WDFY2: variants seen among roughly 807,000 people sequenced by gnomAD.
WDFY2 encodes the protein WD repeat and FYVE domain containing 2, also known as WD repeat and FYVE domain-containing protein 2.
A neutral mutation model predicts 56.4 loss-of-function variants in WDFY2; 36 were observed. The observed-to-expected ratio is 0.64, with a 90% confidence interval of 0.49 to 0.84. The LOEUF (loss-of-function observed/expected upper bound fraction) is 0.84. Among genes scored for constraint, WDFY2 ranks in the 40% least tolerant of loss-of-function variants. The probability of loss-of-function intolerance (pLI) is 0.00; values close to 1 mark genes in which losing one functional copy is unlikely to be tolerated. For synonymous variants in WDFY2, 176 were observed against 183.7 expected (o/e 0.96, Z 0.34); for missense variants, 444 against 512.2 (o/e 0.87, Z 1.29).
At chr13:51,758,944 GA>G (rs1378042349) in intron 11 of WDFY2, among the ~76,000 whole-genome samples, 1 of 152,148 alleles carries the variant, frequency 6.6e-6, no homozygotes, top group African/African-American at 2.4e-5. Context: ...AGCCCTTTGG[GA>G]GGTGAGACGG....
rs1385060267 is a variant in WDFY2 at position 51,761,756 on chromosome 13, C to T, written c.*1987C>T. The T allele has an allele frequency of 6.6e-6, 1 of 152,210 alleles. No individual in the cohort carries two copies. Among genetic ancestry groups the T allele is most frequent in the Non-Finnish European group, 1.5e-5 (1 of 68,054 alleles). 9.4% of individuals were successfully genotyped at this position (152,210 alleles called of 1,614,324 possible). Reference sequence around the variant, plus strand: ...CTTGCTAGAGGTGATTCTGCTGCCCCAGCATTGGGAAGCAGGACCAGTGCA... The same window carrying T: ...CTTGCTAGAGGTGATTCTGCTGCCCTAGCATTGGGAAGCAGGACCAGTGCA... On this transcript the variant is annotated 3_prime_UTR_variant, in exon 12 of 12. Transcript: ENST00000298125.
intron 3 of WDFY2, among the ~76,000 whole-genome samples, chr13:51,686,800 ACT>A (rs1294275070): frequency 1.3e-5 from 2 of 152,148 alleles, no homozygotes; most frequent in African/African-American, 4.8e-5. Context: ...AAAAGTATGT[ACT>A]GTTCTATTTT....
intron 3 of WDFY2, among the ~76,000 whole-genome samples, chr13:51,677,207 G>A (rs371596801): frequency 1.3e-5 from 2 of 152,168 alleles, no homozygotes; most frequent in African/African-American, 2.4e-5. Context: ...GTACAGGGTT[G>A]AGACATCAAA....
intron 2 of WDFY2, among the ~76,000 whole-genome samples, chr13:51,662,223 G>A (rs765071691): frequency 3.3e-5 from 5 of 152,022 alleles, no homozygotes; most frequent in Non-Finnish European, 7.4e-5. Context: ...CACCTGCCTC[G>A]GCCTCCCAAA....
At chr13:51,701,949 G>C (rs1951993785) in intron 3 of WDFY2, among the ~76,000 whole-genome samples, 1 of 152,172 alleles carries the variant, frequency 6.6e-6, no homozygotes, top group Non-Finnish European at 1.5e-5. Flanking sequence ...TTGTTGCTTA[G>C]GCACCTCCCA....
intron 1 of WDFY2, among the ~76,000 whole-genome samples, chr13:51,648,664 C>T (rs1955308211): frequency 6.6e-6 from 1 of 152,180 alleles, no homozygotes; most frequent in Admixed American, 6.5e-5. Context: ...GTACAGCAGA[C>T]TACCATGGCA....
intron 5 of WDFY2, among the ~76,000 whole-genome samples, chr13:51,720,942 T>TTCTCTCTCTC (rs71749521): frequency 6.8e-6 from 1 of 147,846 alleles, no homozygotes; most frequent in African/African-American, 2.5e-5. Flanking sequence ...TCATTCTGTC[T>TTCTCTCTCTC]TCTCTCTCTC....
At chr13:51,703,310 G>C (rs928754606) in intron 3 of WDFY2, among the ~76,000 whole-genome samples, 5 of 152,110 alleles carry the variant, frequency 3.3e-5, no homozygotes, top group African/African-American at 1.2e-4. Flanking sequence ...TTTTGAATTA[G>C]GTTTATCTTC....
intron 5 of WDFY2, 125 bp downstream of exon 5, chr13:51,719,473 A>G: frequency 9.0e-7 from 1 of 1,110,010 alleles, no homozygotes; most frequent in Non-Finnish European, 1.3e-6. Flanking sequence ...GTGGATTACA[A>G]TGCTCATAGA....
At chr13:51,603,477 A>G (rs1216263169) in intron 1 of WDFY2, among the ~76,000 whole-genome samples, 1 of 152,176 alleles carries the variant, frequency 6.6e-6, no homozygotes, top group Non-Finnish European at 1.5e-5. Flanking sequence ...GGGGATACTC[A>G]TGACTTCTCA....
intron 2 of WDFY2, among the ~76,000 whole-genome samples, chr13:51,671,768 T>G (rs1185348394): frequency 2.0e-5 from 3 of 150,288 alleles, no homozygotes; most frequent in Non-Finnish European, 4.4e-5. Flanking sequence ...TTTGATTTGT[T>G]GCATTTGCTT....
intron 3 of WDFY2, among the ~76,000 whole-genome samples, chr13:51,699,288 C>T (rs1229783067): frequency 6.6e-6 from 1 of 152,198 alleles, no homozygotes; most frequent in Non-Finnish European, 1.5e-5. Flanking sequence ...CCCTCTCCAT[C>T]CCTTCCTTCA....
chr13:51,686,107 C>A (rs1956058844), intron 3 of WDFY2, among the ~76,000 whole-genome samples: 3 of 152,130 alleles, frequency 2.0e-5, no homozygotes, highest in African/African-American at 7.2e-5. Flanking sequence ...ATTAACATAC[C>A]TTGCCTTCAT....
intron 1 of WDFY2, among the ~76,000 whole-genome samples, chr13:51,604,667 C>T (rs1343444528): frequency 5.3e-5 from 8 of 152,232 alleles, no homozygotes; most frequent in African/African-American, 1.7e-4. Context: ...TGGCACTAGC[C>T]GCATTTTAGG....
intron 5 of WDFY2, among the ~76,000 whole-genome samples, chr13:51,722,075 TGAAGG>T (rs1268048813): frequency 6.7e-6 from 1 of 148,396 alleles, no homozygotes; most frequent in Non-Finnish European, 1.5e-5. Flanking sequence ...GTTTTAGTGA[TGAAGG>T]GAGGAGGAAG....
At chr13:51,705,813 G>A (rs1320247595) in intron 4 of WDFY2, among the ~76,000 whole-genome samples, 5 of 151,862 alleles carry the variant, frequency 3.3e-5, no homozygotes, top group Admixed American at 6.6e-5. Context: ...GCTGTTTCTT[G>A]TTTTTATTTT....
chr13:51,663,448 A>T lies in WDFY2; in HGVS notation c.205+2785A>T, dbSNP rs145758851. On this transcript the variant is annotated intron_variant, in intron 2 of 11. Transcript: ENST00000298125. ...TGATTTCTCTTGAAATCATTTTGAA[A>T]TGATCTTTTGAATCCATTCAAAAGA... 7.2e-3 allele frequency among the ~76,000 whole-genome samples: 1,098 copies of T among 152,296 alleles called. 12 individuals are homozygous for T. Among genetic ancestry groups the T allele is most frequent in the African/African-American group, 0.025 (1,043 of 41,556 alleles).
At position 51,673,588 on chromosome 13, in the gene WDFY2, G is replaced by T. The variant is rs114939519; in HGVS notation, c.206-1582G>T. On this transcript the variant is annotated intron_variant, in intron 2 of 11. Coordinates refer to ENST00000298125, the MANE Select transcript of WDFY2 (RefSeq NM_052950.4). Reference sequence around the variant, plus strand: ...TACTTTACACAATTGTAATCACAGTGTATTTTTTCTTTAGATTTTTTTTCA... The same window carrying T: ...TACTTTACACAATTGTAATCACAGTTTATTTTTTCTTTAGATTTTTTTTCA... Among the ~76,000 whole-genome samples, 1,395 of 152,176 alleles carry T rather than the reference G, an allele frequency of 9.2e-3. 18 individuals are homozygous for T. Among genetic ancestry groups the T allele is most frequent in the African/African-American group, 0.032 (1,319 of 41,514 alleles).
chr13:51,610,325 G>T (rs1954474861), intron 1 of WDFY2, among the ~76,000 whole-genome samples: 1 of 146,566 alleles, frequency 6.8e-6, no homozygotes, highest in African/African-American at 2.5e-5. Flanking sequence ...TCAGGGATTT[G>T]GGAAGCATGA....
Sources: allele counts gnomAD v4.1 joint callset (sites outside exome capture counted in the v4.1 genomes callset), GRCh38; gene constraint gnomAD v4.1.1; transcripts MANE v1.5; gene names NCBI Gene and HGNC (gene_info 2026-07-23, HGNC 2026-07-21).